The following ABLIM3 variants were observed in gnomAD, a reference collection of about 807,000 sequenced individuals.
ABLIM3 encodes the protein actin-binding LIM protein 3.
In ABLIM3, 61 loss-of-function variants were observed where a neutral mutation model predicts 109.5. That is an observed-to-expected ratio of 0.56 (90% CI 0.45 to 0.69). The LOEUF (loss-of-function observed/expected upper bound fraction) is 0.69, where lower values mean the gene tolerates loss of function less well. Among genes scored for constraint, ABLIM3 ranks in the 30% least tolerant of loss-of-function variants. The probability of loss-of-function intolerance (pLI) is 0.00; values close to 1 mark genes in which losing one functional copy is unlikely to be tolerated. For synonymous variants in ABLIM3, 300 were observed against 324.8 expected, an observed-to-expected ratio of 0.92 and a Z score of 0.82; for missense variants, 796 against 889.5, an observed-to-expected ratio of 0.89 and a Z score of 1.34.
intron 11 of ABLIM3, 102 bp from the exon 12 acceptor site, chr5:149,239,146 C>A: frequency 2.6e-6 from 3 of 1,173,718 alleles, no homozygotes; most frequent in South Asian, 2.5e-5. Flanking sequence ...CTGCTGCAAA[C>A]CCTCTCTGCC....
chr5:149,244,778 A>G, intron 15 of ABLIM3, 103 bp from the exon 16 acceptor site: 1 of 1,444,362 alleles, frequency 6.9e-7, no homozygotes, highest in Non-Finnish European at 9.6e-7. Context: ...CTTGAAGTGG[A>G]CTCACTCCCC....
intron 2 of ABLIM3, among the ~76,000 whole-genome samples, chr5:149,149,886 A>T (rs1236500796): frequency 6.6e-6 from 1 of 152,196 alleles, no homozygotes. Flanking sequence ...ACCCACTGCT[A>T]CCACAACTGC....
chr5:149,201,196 C>T (rs893385326), intron 5 of ABLIM3, among the ~76,000 whole-genome samples: 2 of 133,748 alleles, frequency 1.5e-5, no homozygotes, highest in Non-Finnish European at 3.4e-5. Context: ...ATATCTAAAT[C>T]ACTGTTCCCA....
chr5:149,252,216 A>T lies in ABLIM3; in HGVS notation c.1857+8A>T, dbSNP rs771499953. ...CTCTCTGCAGAGTACAAGGTAAAGG[A>T]TGTGCATAGACCCTGGGGGTCTCCA... On this transcript the variant is annotated splice_region_variant and intron_variant, in intron 22 of 23. Coordinates refer to ENST00000309868, the MANE Select transcript of ABLIM3 (RefSeq NM_014945.5). The T allele has an allele frequency of 3.7e-6, 6 of 1,613,404 alleles. No homozygotes were observed. Among genetic ancestry groups the T allele is most frequent in the Non-Finnish European group, 5.1e-6 (6 of 1,179,730 alleles).
chr5:149,258,264 C>G lies in ABLIM3; in HGVS notation c.1939-27C>G, dbSNP rs201859686. ...ATGCTGCTCTCTTTCTCTGTCCCCCCACCCCCGCCTGCCCTGCCTCCTTCA... is the reference window on the plus strand; with the variant it reads ...ATGCTGCTCTCTTTCTCTGTCCCCCGACCCCCGCCTGCCCTGCCTCCTTCA... On this transcript the variant is annotated intron_variant, in intron 23 of 23. Coordinates refer to ENST00000309868, the MANE Select transcript of ABLIM3 (RefSeq NM_014945.5). The G allele has an allele frequency of 1.1e-3, 1,830 of 1,604,818 alleles. 4 individuals are homozygous for G. Among genetic ancestry groups the G allele is most frequent in the Non-Finnish European group, 1.4e-3 (1,620 of 1,173,558 alleles).
chr5:149,145,610 C>T (rs1313989597), intron 2 of ABLIM3, among the ~76,000 whole-genome samples: 8 of 152,166 alleles, frequency 5.3e-5, no homozygotes, highest in Non-Finnish European at 1.2e-4. Flanking sequence ...TTCCCATCAA[C>T]AATGTAAAAG....
intron 8 of ABLIM3, among the ~76,000 whole-genome samples, chr5:149,224,996 A>T (rs1761029082): frequency 6.6e-6 from 1 of 152,220 alleles, no homozygotes; most frequent in African/African-American, 2.4e-5. Flanking sequence ...TATAATGATC[A>T]CACTGTTGTT....
intron 5 of ABLIM3, chr5:149,200,737 G>C: frequency 2.9e-6 from 1 of 343,936 alleles, no homozygotes. Flanking sequence ...CAATAGGGCT[G>C]ATCAAGTGTT....
At position 149,259,659 on chromosome 5, in the gene ABLIM3, A is replaced by G; in HGVS notation, c.*1255A>G. ...GCTTCCCTTCCTGCTCGCCTCCCTG[A>G]ACAGGGGAGAAAGCTTAACCTCTCT... On this transcript the variant is annotated 3_prime_UTR_variant, in exon 24 of 24. Transcript: ENST00000309868. 7.1e-7 allele frequency: 1 copy of G among 1,409,346 alleles called. No individual in the cohort carries two copies. The highest frequency in any genetic ancestry group is 9.7e-7 in the Non-Finnish European group (1 of 1,031,436). 87.3% of individuals were successfully genotyped at this position (1,409,346 alleles called of 1,614,324 possible).
At chr5:149,217,174 A>T in intron 8 of ABLIM3, 128 bp downstream of exon 8, 1 of 838,772 alleles carries the variant, frequency 1.2e-6, no homozygotes, top group Non-Finnish European at 1.9e-6. Context: ...TTGTCCTCAG[A>T]ATTGCAATTA....
intron 3 of ABLIM3, among the ~76,000 whole-genome samples, chr5:149,188,040 A>G (rs1757139039): frequency 1.3e-5 from 2 of 152,198 alleles, no homozygotes; most frequent in Admixed American, 1.3e-4. Flanking sequence ...AAAATTTTAT[A>G]TTCTAGTGCT....
At chr5:149,163,238 C>T (rs1344025153) in intron 2 of ABLIM3, among the ~76,000 whole-genome samples, 1 of 152,126 alleles carries the variant, frequency 6.6e-6, no homozygotes, top group African/African-American at 2.4e-5. Flanking sequence ...GGAAAGGAGA[C>T]CACTCCTTAC....
chr5:149,215,370 C>G (rs1759959864), intron 7 of ABLIM3, among the ~76,000 whole-genome samples: 1 of 151,912 alleles, frequency 6.6e-6, no homozygotes, highest in Non-Finnish European at 1.5e-5. Flanking sequence ...TGGTGCGAGG[C>G]CATATAAACA....
intron 8 of ABLIM3, among the ~76,000 whole-genome samples, chr5:149,229,572 G>A (rs184176052): frequency 2.9e-4 from 44 of 152,238 alleles, no homozygotes; most frequent in East Asian, 2.5e-3. Flanking sequence ...CTAGTATTCC[G>A]GTCCTGGGGG....
chr5:149,217,018 C>T lies in ABLIM3; in HGVS notation c.729C>T (p.Phe243=), dbSNP rs200571553. 1 of 1,614,202 alleles carries T rather than the reference C, an allele frequency of 6.2e-7. No homozygotes were observed. The highest frequency in any genetic ancestry group is 1.7e-5 in the Admixed American group (1 of 60,026). ...CARCVRCHQM[F]TEGEEMYLTG... ...GGTGTGTACGCTGCCACCAGATGTT[C>T]ACCGAAGGAGAGGAAATGTACCTCA... Residue 243 remains phenylalanine (F), a synonymous_variant, in exon 8 of 24, where the codon TTC becomes TTT. Transcript: ENST00000309868.
intron 20 of ABLIM3, among the ~76,000 whole-genome samples, 175 bp from the exon 21 acceptor site, chr5:149,251,184 C>G (rs903915335): frequency 6.6e-6 from 1 of 152,172 alleles, no homozygotes; most frequent in Non-Finnish European, 1.5e-5. Flanking sequence ...CACCATGTGC[C>G]AGGACAAAGC....
At chr5:149,175,022 C>A (rs910516837) in intron 2 of ABLIM3, among the ~76,000 whole-genome samples, 2 of 152,096 alleles carry the variant, frequency 1.3e-5, no homozygotes, top group African/African-American at 4.8e-5. Flanking sequence ...TGACTGGGGG[C>A]TTTGTAAAGA....
chr5:149,192,537 AAT>A (rs1239257356), intron 3 of ABLIM3, among the ~76,000 whole-genome samples: 1 of 151,724 alleles, frequency 6.6e-6, no homozygotes, highest in Non-Finnish European at 1.5e-5. Flanking sequence ...GAGGCAGGAG[AAT>A]GGCATGAACC....
chr5:149,249,815 C>A lies in ABLIM3; in HGVS notation c.1700C>A (p.Ser567Tyr). ...TAGYEMSLNG[S>Y]PRSHYLADSD... ...GACCTTCAGCTTTTCTCTCCTGCAG[C>A]CCCTCGGTCGCACTACCTGGCTGAC... is the stretch of plus-strand genomic sequence containing the variant. Residue 567 changes from serine to tyrosine, a missense_variant and splice_region_variant, in exon 19 of 24, where the codon TCC becomes TAC. By Grantham distance (144) the Ser-to-Tyr change is moderately radical. Coordinates refer to ENST00000309868, the MANE Select transcript of ABLIM3 (RefSeq NM_014945.5). The A allele has an allele frequency of 6.2e-7, 1 of 1,614,186 alleles. No homozygotes were observed.
Sources: gnomAD v4.1 joint callset for allele counts (sites outside exome capture counted in the v4.1 genomes callset) on GRCh38, gnomAD v4.1.1 for gene constraint, MANE v1.5 for transcripts, NCBI Gene and HGNC (gene_info 2026-07-23, HGNC 2026-07-21) for gene names.